Variants in ADAM23 observed in about 807,000 individuals in gnomAD.
ADAM23 encodes the protein disintegrin and metalloproteinase domain-containing protein 23.
In ADAM23, 33 loss-of-function variants were observed where a neutral mutation model predicts 120.1. The ratio of observed to expected loss-of-function variants is 0.27; its 90% CI spans 0.21 to 0.37. ADAM23 has a LOEUF of 0.37. ADAM23 is among the 10% of genes least tolerant of loss of function. The pLI, the probability that ADAM23 is intolerant of heterozygous loss-of-function variation, is 1.00. For synonymous variants in ADAM23, 367 were observed against 375.2 expected, an observed-to-expected ratio of 0.98 and a Z score of 0.25; for missense variants, 862 against 1,058.2, an observed-to-expected ratio of 0.81 and a Z score of 2.57.
At chr2:206,513,680 AGCC>A (rs1696673434) in intron 3 of ADAM23, among the ~76,000 whole-genome samples, 1 of 152,250 alleles carries the variant, frequency 6.6e-6, no homozygotes, top group African/African-American at 2.4e-5. Flanking sequence ...TAGATGAAAC[AGCC>A]TTCCTATTGG....
At chr2:206,545,366 A>G (rs1697375343) in intron 6 of ADAM23, among the ~76,000 whole-genome samples, 1 of 152,108 alleles carries the variant, frequency 6.6e-6, no homozygotes, top group Non-Finnish European at 1.5e-5. Context: ...GGAGCCTGTA[A>G]TCCCAGCTAG....
rs143738802 is a variant in ADAM23 at position 206,465,569 on chromosome 2, A to G, written c.433-15663A>G. Among the ~76,000 whole-genome samples the G allele has an allele frequency of 2.2e-4, 33 of 152,342 alleles. No individual in the cohort carries two copies. In the East Asian group the frequency reaches 6.2e-3, roughly 28 times the overall value. Reference sequence around the variant, plus strand: ...TATTTTGAGCTCTTAATCAAGTATTAATAGCATTATGTTTTCTCTAATTAT... The same window carrying G: ...TATTTTGAGCTCTTAATCAAGTATTGATAGCATTATGTTTTCTCTAATTAT... On this transcript the variant is annotated intron_variant, in intron 2 of 25. Coordinates refer to ENST00000264377, the MANE Select transcript of ADAM23 (RefSeq NM_003812.4).
At position 206,491,114 on chromosome 2, in the gene ADAM23, A is replaced by T. The variant is rs185773115; in HGVS notation, c.509+9806A>T. 3.1e-3 allele frequency among the ~76,000 whole-genome samples: 474 copies of T among 152,042 alleles called. 1 individual carries two copies. Among genetic ancestry groups the T allele is most frequent in the Middle Eastern group, 6.8e-3 (2 of 294 alleles). ...TCATAGATGAACAAAATCCAGCATA[A>T]CTCTTGGGTGGTGAAATTCAATGGA... On this transcript the variant is annotated intron_variant, in intron 3 of 25. Coordinates refer to ENST00000264377, the MANE Select transcript of ADAM23 (RefSeq NM_003812.4).
intron 1 of ADAM23, among the ~76,000 whole-genome samples, chr2:206,445,078 G>A (rs1300671778): frequency 6.6e-6 from 1 of 150,450 alleles, no homozygotes. Context: ...AATAAATAGT[G>A]CACAGTTGTA....
At chr2:206,483,867 T>A (rs1295335759) in intron 3 of ADAM23, among the ~76,000 whole-genome samples, 3 of 151,746 alleles carry the variant, frequency 2.0e-5, no homozygotes, top group Admixed American at 6.6e-5. Flanking sequence ...GAGGAGATGA[T>A]GTGGAGGCAG....
At chr2:206,617,061 G>A (rs1698947409) in intron 25 of ADAM23, among the ~76,000 whole-genome samples, 2 of 152,198 alleles carry the variant, frequency 1.3e-5, no homozygotes, top group South Asian at 4.2e-4. Context: ...CTATAGTGGA[G>A]TAAGAGCTCA....
chr2:206,565,659 G>C (rs1213322187), intron 14 of ADAM23, among the ~76,000 whole-genome samples: 1 of 152,122 alleles, frequency 6.6e-6, no homozygotes, highest in Non-Finnish European at 1.5e-5. Flanking sequence ...TGGAAATATT[G>C]CCCTCTTTCA....
At chr2:206,541,403 T>G (rs1697288021) in intron 4 of ADAM23, among the ~76,000 whole-genome samples, 1 of 152,122 alleles carries the variant, frequency 6.6e-6, no homozygotes, top group Non-Finnish European at 1.5e-5. Flanking sequence ...CTATATTAGG[T>G]AGATAATTTC....
At chr2:206,578,921 A>G (rs148482537) in intron 18 of ADAM23, among the ~76,000 whole-genome samples, 11,689 of 151,934 alleles carry the variant, frequency 0.077, 574 homozygotes, top group Admixed American at 0.14. Context: ...TTATTTTTTT[A>G]TTATGGCCAT....
At chr2:206,562,160 C>G in intron 12 of ADAM23, 43 bp from the exon 13 acceptor site, 1 of 1,520,320 alleles carries the variant, frequency 6.6e-7, no homozygotes, top group South Asian at 1.1e-5. Context: ...GCTTTGTGCA[C>G]TCTCTCAAAT....
At chr2:206,543,168 G>T in intron 5 of ADAM23, 85 bp from the exon 6 acceptor site, 2 of 1,153,580 alleles carry the variant, frequency 1.7e-6, no homozygotes, top group East Asian at 4.7e-5. Flanking sequence ...TTATTTTGAA[G>T]ACACAATAAT....
chr2:206,444,169 C>T, intron 1 of ADAM23, 89 bp downstream of exon 1: 15 of 1,066,086 alleles, frequency 1.4e-5, no homozygotes, highest in East Asian at 3.3e-5. Context: ...GTGCTCCGGG[C>T]TTGTCCCCGG....
At chr2:206,477,923 A>AT (rs1261680065) in intron 2 of ADAM23, among the ~76,000 whole-genome samples, 22 of 90,744 alleles carry the variant, frequency 2.4e-4, no homozygotes, top group African/African-American at 9.5e-4. Context: ...TATATATATA[A>AT]AACAACAATG....
intron 3 of ADAM23, among the ~76,000 whole-genome samples, chr2:206,483,804 G>A (rs1695946316): frequency 6.6e-6 from 1 of 152,164 alleles, no homozygotes; most frequent in Admixed American, 6.5e-5. Flanking sequence ...ACTCTGGGGT[G>A]GAGGAAATGA....
intron 4 of ADAM23, among the ~76,000 whole-genome samples, chr2:206,532,629 A>G (rs1574517345): frequency 6.6e-6 from 1 of 152,276 alleles, no homozygotes; most frequent in Non-Finnish European, 1.5e-5. Flanking sequence ...GTACATCAGA[A>G]AAACCCAAGA....
chr2:206,535,947 TA>T (rs1271105781), intron 4 of ADAM23, among the ~76,000 whole-genome samples: 1 of 152,154 alleles, frequency 6.6e-6, no homozygotes, highest in Non-Finnish European at 1.5e-5. Flanking sequence ...ATTTTATACT[TA>T]AAAAGGTAAA....
intron 2 of ADAM23, among the ~76,000 whole-genome samples, chr2:206,474,093 G>A (rs1695724735): frequency 6.6e-6 from 1 of 151,736 alleles, no homozygotes; most frequent in East Asian, 1.9e-4. Context: ...CTTACATAAG[G>A]TAGGTATTTA....
At chr2:206,504,496 G>A (rs377626462) in intron 3 of ADAM23, among the ~76,000 whole-genome samples, 8 of 152,120 alleles carry the variant, frequency 5.3e-5, no homozygotes, top group Admixed American at 2.0e-4. Context: ...TGTAAGAGAC[G>A]CCCTGCCTTG....
chr2:206,461,989 A>C, intron 2 of ADAM23, among the ~76,000 whole-genome samples: 1 of 152,174 alleles, frequency 6.6e-6, no homozygotes. Context: ...GAGAGGGGCT[A>C]AGGAACAGTG....
Sources: allele counts gnomAD v4.1 joint callset (sites outside exome capture counted in the v4.1 genomes callset), GRCh38; gene constraint gnomAD v4.1.1; transcripts MANE v1.5; gene names NCBI Gene and HGNC (gene_info 2026-07-23, HGNC 2026-07-21).